BCAT1: variants seen among roughly 807,000 people sequenced by gnomAD.
BCAT1 encodes branched-chain-amino-acid aminotransferase, cytosolic.
A neutral mutation model predicts 52.4 loss-of-function variants in BCAT1; 48 were observed. The ratio of observed to expected loss-of-function variants is 0.92; its 90% CI spans 0.73 to 1.16. BCAT1 has a LOEUF of 1.16. Ranked by LOEUF, BCAT1 falls within the 50% of genes most tolerant of loss-of-function variation. The pLI, the probability that BCAT1 is intolerant of heterozygous loss-of-function variation, is 0.00. For missense variants in BCAT1, 451 were observed against 457.1 expected (o/e 0.99, Z 0.12); for synonymous variants, 167 against 161.3 (o/e 1.04, Z -0.27).
chr12:24,941,270 CTA>C (rs1481185128), intron 1 of BCAT1, among the ~76,000 whole-genome samples: 1 of 152,112 alleles, frequency 6.6e-6, no homozygotes, highest in Non-Finnish European at 1.5e-5. Context: ...TATATAGCAG[CTA>C]TATGAGTTTG....
At chr12:24,875,399 A>G (rs1942304963) in intron 5 of BCAT1, among the ~76,000 whole-genome samples, 1 of 152,264 alleles carries the variant, frequency 6.6e-6, no homozygotes, top group Non-Finnish European at 1.5e-5. Context: ...CCAACCAAAT[A>G]TAAATAATGT....
intron 1 of BCAT1, among the ~76,000 whole-genome samples, chr12:24,938,041 AAAAT>A (rs1237195213): frequency 6.6e-6 from 1 of 152,206 alleles, no homozygotes; most frequent in Non-Finnish European, 1.5e-5. Flanking sequence ...CATGCACCTT[AAAAT>A]AAATGGGAAA....
intron 5 of BCAT1, among the ~76,000 whole-genome samples, chr12:24,874,550 A>G (rs367670096): frequency 1.8e-4 from 28 of 152,226 alleles, no homozygotes; most frequent in African/African-American, 6.5e-4. Flanking sequence ...TTAGCTTTCA[A>G]TTATATAAAT....
At position 24,812,925 on chromosome 12, in the gene BCAT1, G is replaced by A. The variant is rs990130635; in HGVS notation, c.*5083C>T. The A allele has an allele frequency of 1.3e-5, 2 of 151,926 alleles. No individual in the cohort carries two copies. Among genetic ancestry groups the A allele is most frequent in the African/African-American group, 4.8e-5 (2 of 41,410 alleles). The allele number at this position is 151,926 out of a possible 1,614,324, so 9.4% of individuals were successfully genotyped here. A position where few individuals can be genotyped will look rare whatever the true frequency, so the allele number is the denominator to read the frequency against. On this transcript the variant is annotated 3_prime_UTR_variant, in exon 11 of 11. Transcript: ENST00000261192. ...ATAAACTGAACATCATGCAACTCAA[G>A]TTATACGTCTTGTTGATTGGGTCTA... is the stretch of plus-strand genomic sequence containing the variant.
chr12:24,941,103 T>C (rs1172262623), intron 1 of BCAT1, among the ~76,000 whole-genome samples: 1 of 152,250 alleles, frequency 6.6e-6, no homozygotes, highest in Admixed American at 6.5e-5. Context: ...CATACTGCCT[T>C]AATCTGAAAA....
chr12:24,937,806 A>G (rs1943785369), intron 1 of BCAT1, among the ~76,000 whole-genome samples: 1 of 152,222 alleles, frequency 6.6e-6, no homozygotes, highest in African/African-American at 2.4e-5. Context: ...TGAAGAGAAG[A>G]CAGTGGCCTA....
intron 5 of BCAT1, among the ~76,000 whole-genome samples, chr12:24,876,896 A>G (rs1942363770): frequency 1.3e-5 from 2 of 152,140 alleles, no homozygotes; most frequent in Admixed American, 6.5e-5. Context: ...GCAAACCACC[A>G]TGGCTTACAT....
At chr12:24,818,154 T>C in intron 10 of BCAT1, 105 bp from the exon 11 acceptor site, 1 of 1,101,684 alleles carries the variant, frequency 9.1e-7, no homozygotes, top group Non-Finnish European at 1.4e-6. Flanking sequence ...GGTTCGCTTC[T>C]GCTTTGAACA....
At chr12:24,937,039 C>T (rs1361190690) in intron 1 of BCAT1, among the ~76,000 whole-genome samples, 1 of 152,094 alleles carries the variant, frequency 6.6e-6, no homozygotes, top group African/African-American at 2.4e-5. Context: ...CATATGGTTG[C>T]ACAGTGGTAA....
chr12:24,829,940 T>C (rs746278215), intron 9 of BCAT1, 43 bp from the exon 10 acceptor site: 27 of 1,440,028 alleles, frequency 1.9e-5, no homozygotes, highest in Non-Finnish European at 2.6e-5. Context: ...GGTACTCATG[T>C]ATATGGTGAT....
At chr12:24,888,547 T>C (rs1227943339) in intron 3 of BCAT1, among the ~76,000 whole-genome samples, 1 of 152,174 alleles carries the variant, frequency 6.6e-6, no homozygotes, top group East Asian at 1.9e-4. Context: ...AAGGTCATGG[T>C]TGGTTTGCTT....
chr12:24,934,014 G>A (rs1256344808), intron 1 of BCAT1, among the ~76,000 whole-genome samples: 1 of 152,164 alleles, frequency 6.6e-6, no homozygotes, highest in Non-Finnish European at 1.5e-5. Context: ...TTGGCTGGCA[G>A]AGAAGGGAAA....
intron 1 of BCAT1, 60 bp from the exon 2 acceptor site, chr12:24,901,945 A>G: frequency 5.6e-6 from 9 of 1,612,840 alleles, no homozygotes; most frequent in Non-Finnish European, 6.8e-6. Context: ...GACCCGGGGT[A>G]ACCTACGTGA....
chr12:24,848,762 G>C (rs945018795), intron 6 of BCAT1, among the ~76,000 whole-genome samples: 3 of 152,200 alleles, frequency 2.0e-5, no homozygotes, highest in Non-Finnish European at 4.4e-5. Context: ...TGTGCTCTAA[G>C]CCAGAAGGAG....
At chr12:24,882,789 C>G (rs1942540375) in intron 3 of BCAT1, among the ~76,000 whole-genome samples, 1 of 151,730 alleles carries the variant, frequency 6.6e-6, no homozygotes, top group South Asian at 2.1e-4. Context: ...TTTGTAGAGA[C>G]GAGGTTTTGC....
intron 1 of BCAT1, among the ~76,000 whole-genome samples, chr12:24,910,378 AAAATAAATAAATAAATAAATAAAT>A (rs57340584): frequency 2.0e-4 from 29 of 146,220 alleles, no homozygotes; most frequent in South Asian, 6.7e-4. Context: ...CTCTGTCTCA[AAAATAAATAAATAAATAAATAAAT>A]AAATAAATAA....
Position 24,882,596 on chromosome 12 carries a change from TA to T in BCAT1, c.280-1186del, listed in dbSNP as rs201144976. ...TGCAAATACTTTATTTTTTATTATT[TA>T]TTTTTTTTTTTTGAGACAGAGTTGT... is the stretch of plus-strand genomic sequence containing the variant. On this transcript the variant is annotated intron_variant, in intron 3 of 10. Transcript: ENST00000261192. Among the ~76,000 whole-genome samples the T allele has an allele frequency of 2.7e-3, 389 of 143,572 alleles. 5 individuals are homozygous for T. The highest frequency in any genetic ancestry group is 0.016 in the East Asian group (75 of 4,774). 94.2% of individuals were successfully genotyped at this position (143,572 alleles called of 152,430 possible). A position where few individuals can be genotyped will look rare whatever the true frequency, so the allele number is the denominator to read the frequency against.
intron 5 of BCAT1, among the ~76,000 whole-genome samples, chr12:24,852,187 G>C (rs993030259): frequency 1.3e-5 from 2 of 152,114 alleles, no homozygotes; most frequent in African/African-American, 4.8e-5. Context: ...TCCCAGTCAT[G>C]CTTCCTGTTA....
rs761941909 is a variant in BCAT1 at position 24,837,135 on chromosome 12, G to A, written c.818-539C>T. Among the ~76,000 whole-genome samples the A allele has an allele frequency of 1.2e-3, 69 of 56,428 alleles. 3 individuals are homozygous for A. Among genetic ancestry groups the A allele is most frequent in the Middle Eastern group, 0.014 (1 of 74 alleles). The allele number at this position is 56,428 out of a possible 152,430, so 37.0% of individuals were successfully genotyped here. ...AGAGAAGGAAGGGAGGAAGGGGGGA[G>A]GGAAGGAAGGAAAGTTATCTAATCA... is the stretch of plus-strand genomic sequence containing the variant. On this transcript the variant is annotated intron_variant, in intron 7 of 10. Coordinates refer to ENST00000261192, the MANE Select transcript of BCAT1 (RefSeq NM_005504.7).
Sources: allele counts gnomAD v4.1 joint callset (sites outside exome capture counted in the v4.1 genomes callset), GRCh38; gene constraint gnomAD v4.1.1; transcripts MANE v1.5; gene names NCBI Gene and HGNC (gene_info 2026-07-23, HGNC 2026-07-21).